CELSR1: variants seen among roughly 807,000 people sequenced by gnomAD.
CELSR1 encodes the protein adhesion G protein-coupled receptor C1.
In CELSR1, 110 loss-of-function variants were observed where a neutral mutation model predicts 249.1. That is an observed-to-expected ratio of 0.44 (90% confidence interval 0.38 to 0.52). The LOEUF (loss-of-function observed/expected upper bound fraction) is 0.52, where lower values mean the gene tolerates loss of function less well. Ranked by LOEUF, CELSR1 falls within the 20% of genes least tolerant of loss-of-function variation. The probability of loss-of-function intolerance (pLI) is 0.00; values close to 1 mark genes in which losing one functional copy is unlikely to be tolerated. For missense variants in CELSR1, 4,109 were observed against 4,296.4 expected, an observed-to-expected ratio of 0.96 and a Z score of 1.22; for synonymous variants, 2,113 against 1,900.0, an observed-to-expected ratio of 1.11 and a Z score of -2.92.
In CELSR1 at chr22:46,512,057, T is replaced by C. The variant is rs1035038160; in HGVS notation, c.3544+21570A>G. Among the ~76,000 whole-genome samples the C allele has an allele frequency of 3.9e-5, 6 of 151,996 alleles. No homozygotes were observed. The highest frequency in any genetic ancestry group is 1.5e-4 in the African/African-American group (6 of 41,374). ...GCAAGTCATTCAGGTTCTGGGGTCC[T>C]GAAGTGCCCCGAGCCCACCCCCAGA... On this transcript the variant is annotated intron_variant, in intron 1 of 34. Coordinates refer to ENST00000674500, the MANE Select transcript of CELSR1 (RefSeq NM_001378328.1). The surrounding 1 kb of genome is among the most constrained non-coding windows in gnomAD (Gnocchi z 5.2).
At chr22:46,511,489 C>T (rs117279666) in intron 1 of CELSR1, among the ~76,000 whole-genome samples, 2,342 of 152,332 alleles carry the variant, frequency 0.015, 36 homozygotes, top group Middle Eastern at 0.061. Flanking sequence ...TTTCATAACA[C>T]GATAGTGACT....
In CELSR1 at chr22:46,363,461, G is replaced by C. The variant is rs1030016881; in HGVS notation, c.9036-214C>G. On this transcript the variant is annotated intron_variant, in intron 34 of 34. Transcript: ENST00000674500. This position sits in a 1 kb window ranked among gnomAD's most constrained non-coding sequence, Gnocchi z 4.3. ...CAGCCTGTGGGCCTCTGTGTTGCTG[G>C]TCTTTCAGAAGAGCGCAAGGAATCC... The C allele has an allele frequency of 1.7e-5, 9 of 526,138 alleles. No individual in the cohort carries two copies. The highest frequency in any genetic ancestry group is 1.3e-4 in the African/African-American group (7 of 52,266). The allele number at this position is 526,138 out of a possible 1,614,324, so 32.6% of individuals were successfully genotyped here.
At position 46,535,031 on chromosome 22, in the gene CELSR1, G is replaced by A. The variant is rs374242625; in HGVS notation, c.2140C>T (p.Arg714Cys). 73 of 1,612,344 alleles carry A rather than the reference G, an allele frequency of 4.5e-5. No individual in the cohort carries two copies. The highest frequency in any genetic ancestry group is 4.3e-5 in the Non-Finnish European group (51 of 1,179,930). ...SSVLTLQARD[R>C]DANSVITYQL... is the part of the protein sequence containing the mutation. ...TAGGTAATCACACTGTTGGCGTCAC[G>A]GTCGCGGGCCTGCAGGGTCAGCACG... The change falls in exon 1 of 35, where the codon CGT becomes TGT. Residue 714 changes from arginine to cysteine, a missense_variant. By Grantham distance (180) the Arg-to-Cys change is radical. This residue lies in a region of CELSR1 where 886 missense variants were observed against 896.5 expected (regional missense o/e 0.99). Coordinates refer to ENST00000674500, the MANE Select transcript of CELSR1 (RefSeq NM_001378328.1).
intron 3 of CELSR1, 29 bp downstream of exon 3, chr22:46,439,160 C>T (rs372725590): frequency 1.4e-5 from 23 of 1,592,946 alleles, no homozygotes; most frequent in Admixed American, 1.7e-5. Flanking sequence ...AAAGAGACCC[C>T]CGTGTGGCGC....
In CELSR1 at chr22:46,517,597, G is replaced by A. The variant is rs919161999; in HGVS notation, c.3544+16030C>T. Reference sequence around the variant, plus strand: ...CGCAAAACACGCCCCTGAGCTTCCCGTCCTGCACACACAGACGCACCCCTG... The same window carrying A: ...CGCAAAACACGCCCCTGAGCTTCCCATCCTGCACACACAGACGCACCCCTG... On this transcript the variant is annotated intron_variant, in intron 1 of 34. Coordinates refer to ENST00000674500, the MANE Select transcript of CELSR1 (RefSeq NM_001378328.1). This position sits in a 1 kb window ranked among gnomAD's most constrained non-coding sequence, Gnocchi z 5.4. Among the ~76,000 whole-genome samples the A allele has an allele frequency of 3.3e-5, 5 of 152,166 alleles. No individual in the cohort carries two copies. The highest frequency in any genetic ancestry group is 9.7e-5 in the African/African-American group (4 of 41,448).
rs750491166 is a variant in CELSR1 at position 46,365,699 on chromosome 22, C to T, written c.8301-10G>A. The T allele has an allele frequency of 5.8e-6, 9 of 1,559,922 alleles. No individual in the cohort carries two copies. The highest frequency in any genetic ancestry group is 2.4e-5 in the East Asian group (1 of 42,486). ...CTGGATCCCTTCATCCCTAGAGAGG[C>T]CAGGGAGGGTGGGCTCAGTATCATC... On this transcript the variant is annotated splice_polypyrimidine_tract_variant and intron_variant, in intron 30 of 34. Transcript: ENST00000674500.
chr22:46,391,417 C>T lies in CELSR1; in HGVS notation c.6149-130G>A. The T allele has an allele frequency of 1.1e-6, 1 of 914,720 alleles. No homozygotes were observed. Among genetic ancestry groups the T allele is most frequent in the Admixed American group, 2.7e-5 (1 of 37,614 alleles). 56.7% of individuals were successfully genotyped at this position (914,720 alleles called of 1,614,324 possible). A position where few individuals can be genotyped will look rare whatever the true frequency, so the allele number is the denominator to read the frequency against. Reference sequence around the variant, plus strand: ...CACCAAGAACCGAACCCTAGCATCTCCCCTGCCCCCATCCATGTCAGAGCT... The same window carrying T: ...CACCAAGAACCGAACCCTAGCATCTTCCCTGCCCCCATCCATGTCAGAGCT... On this transcript the variant is annotated intron_variant, in intron 15 of 34. Coordinates refer to ENST00000674500, the MANE Select transcript of CELSR1 (RefSeq NM_001378328.1). The surrounding 1 kb of genome is among the most constrained non-coding windows in gnomAD (Gnocchi z 4.3).
At chr22:46,375,848 T>C (rs1043675331) in intron 24 of CELSR1, among the ~76,000 whole-genome samples, 2 of 152,226 alleles carry the variant, frequency 1.3e-5, no homozygotes, top group Admixed American at 6.5e-5. Context: ...CCCAGCCTAA[T>C]TGTTTCTCAT....
intron 2 of CELSR1, 39 bp from the exon 3 acceptor site, chr22:46,439,450 G>T: frequency 6.5e-7 from 1 of 1,544,232 alleles, no homozygotes; most frequent in South Asian, 1.2e-5. Flanking sequence ...GGAGGTTACC[G>T]ACCAGCCAGG....
rs1369573776 is a variant in CELSR1, at chr22:46,391,550, A to G, written c.6148+83T>C. On this transcript the variant is annotated intron_variant, in intron 15 of 34. Transcript: ENST00000674500. This position sits in a 1 kb window ranked among gnomAD's most constrained non-coding sequence, Gnocchi z 4.3. ...GGAGCCCAGGGTCCCCCAAACACCC[A>G]GCGTGCATGCACACACGTGCACGCC... is the stretch of plus-strand genomic sequence containing the variant. 1.1e-5 allele frequency: 15 copies of G among 1,416,028 alleles called. No individual in the cohort carries two copies. The highest frequency in any genetic ancestry group is 1.4e-5 in the Non-Finnish European group (15 of 1,072,460). 87.7% of individuals were successfully genotyped at this position (1,416,028 alleles called of 1,614,324 possible). A position where few individuals can be genotyped will look rare whatever the true frequency, so the allele number is the denominator to read the frequency against.
chr22:46,512,732 GCTC>G lies in CELSR1; in HGVS notation c.3544+20892_3544+20894del, dbSNP rs1235852460. 6.6e-6 allele frequency among the ~76,000 whole-genome samples: 1 copy of G among 152,226 alleles called. No individual in the cohort carries two copies. The highest frequency in any genetic ancestry group is 1.5e-5 in the Non-Finnish European group (1 of 68,038). On this transcript the variant is annotated intron_variant, in intron 1 of 34. Coordinates refer to ENST00000674500, the MANE Select transcript of CELSR1 (RefSeq NM_001378328.1). The surrounding 1 kb of genome is among the most constrained non-coding windows in gnomAD (Gnocchi z 5.2). ...CTTCTTGTCACGGGGATCAGGCACA[GCTC>G]CTGCTTATAGAGGGTAGCGGGTTTC...
chr22:46,519,676 C>T (rs1456819245), intron 1 of CELSR1, among the ~76,000 whole-genome samples: 3 of 152,156 alleles, frequency 2.0e-5, no homozygotes, highest in Admixed American at 6.5e-5. Context: ...ATGCAAGGTC[C>T]CAGAACCTGC....
At position 46,505,023 on chromosome 22, in the gene CELSR1, G is replaced by A. The variant is rs531678586; in HGVS notation, c.3544+28604C>T. Among the ~76,000 whole-genome samples the A allele has an allele frequency of 3.1e-3, 471 of 152,152 alleles. 3 individuals carry two copies. Among genetic ancestry groups the A allele is most frequent in the South Asian group, 0.017 (81 of 4,822 alleles). ...CACGCCTGTAATCCCAGCACTTTGG[G>A]AGGCCGAGGCGGGCGGATCATGAGG... On this transcript the variant is annotated intron_variant, in intron 1 of 34. Transcript: ENST00000674500.
At position 46,537,218 on chromosome 22, in the gene CELSR1, C is replaced by G. The variant is rs1246959747; in HGVS notation, c.-48G>C. On this transcript the variant is annotated 5_prime_UTR_variant, in exon 1 of 35. Coordinates refer to ENST00000674500, the MANE Select transcript of CELSR1 (RefSeq NM_001378328.1). The surrounding 1 kb of genome is among the most constrained non-coding windows in gnomAD (Gnocchi z 5.8). ...CGGGCGCCCGAACACAATCCATGCACCCGGCGCGCCTCCGCATCCACCCGG... is the reference window on the plus strand; with the variant it reads ...CGGGCGCCCGAACACAATCCATGCAGCCGGCGCGCCTCCGCATCCACCCGG... 8.9e-6 allele frequency: 9 copies of G among 1,015,768 alleles called. No individual in the cohort carries two copies. The highest frequency in any genetic ancestry group is 9.4e-6 in the Non-Finnish European group (8 of 851,526). The allele number at this position is 1,015,768 out of a possible 1,614,324, so 62.9% of individuals were successfully genotyped here.
At chr22:46,371,007 A>G (rs1161158918) in intron 25 of CELSR1, among the ~76,000 whole-genome samples, 4 of 152,236 alleles carry the variant, frequency 2.6e-5, no homozygotes, top group African/African-American at 9.6e-5. Flanking sequence ...GCTTTTCGAC[A>G]AAGCCATACG....
At chr22:46,469,995 G>GGAGGAT (rs2080138825) in intron 1 of CELSR1, among the ~76,000 whole-genome samples, 1 of 137,868 alleles carries the variant, frequency 7.3e-6, no homozygotes, top group Non-Finnish European at 1.6e-5. Context: ...GGGGAGGGAG[G>GGAGGAT]GAGGGAGAGG....
In CELSR1 at chr22:46,436,481, A is replaced by G. The variant is rs1292312498; in HGVS notation, c.4407-192T>C. On this transcript the variant is annotated intron_variant, in intron 3 of 34. Coordinates refer to ENST00000674500, the MANE Select transcript of CELSR1 (RefSeq NM_001378328.1). This position sits in a 1 kb window ranked among gnomAD's most constrained non-coding sequence, Gnocchi z 5.9. Reference sequence around the variant, plus strand: ...TTGATAAGCAGGGTTCTTTTCTGGAAGCAGCAAACCAGAATCCATGGGGAG... The same window carrying G: ...TTGATAAGCAGGGTTCTTTTCTGGAGGCAGCAAACCAGAATCCATGGGGAG... 2.0e-5 allele frequency among the ~76,000 whole-genome samples: 3 copies of G among 152,192 alleles called. No individual in the cohort carries two copies. Among genetic ancestry groups the G allele is most frequent in the African/African-American group, 7.2e-5 (3 of 41,446 alleles).
At chr22:46,520,359 G>A (rs2080673218) in intron 1 of CELSR1, among the ~76,000 whole-genome samples, 1 of 152,150 alleles carries the variant, frequency 6.6e-6, no homozygotes. Flanking sequence ...ACAGGCACCT[G>A]CTCCCACGCC....
At chr22:46,479,400 C>T (rs984524307) in intron 1 of CELSR1, among the ~76,000 whole-genome samples, 4 of 152,074 alleles carry the variant, frequency 2.6e-5, no homozygotes, top group African/African-American at 9.7e-5. Context: ...ACTGTCTGGG[C>T]CCTGCCCTGG....
Sources: allele counts gnomAD v4.1 joint callset (sites outside exome capture counted in the v4.1 genomes callset), GRCh38; gene constraint gnomAD v4.1.1; regional missense constraint gnomAD v4.1.1; non-coding constraint Gnocchi (gnomAD v3.1); transcripts MANE v1.5; gene names NCBI Gene and HGNC (gene_info 2026-07-23, HGNC 2026-07-21).